Variants in CPED1 observed in about 807,000 individuals in gnomAD.
CPED1 encodes the protein cadherin like and PC-esterase domain containing 1.
CPED1 carries 114 observed loss-of-function variants against 128.2 expected under a neutral mutation model. That is an observed-to-expected ratio of 0.89 (90% CI 0.76 to 1.04). The LOEUF (loss-of-function observed/expected upper bound fraction) is 1.04, where lower values mean the gene tolerates loss of function less well. Ranked by LOEUF, CPED1 falls within the 50% of genes least tolerant of loss-of-function variation. CPED1 has a pLI of 0.00. For synonymous variants in CPED1, 462 were observed against 426.7 expected, an observed-to-expected ratio of 1.08 and a Z score of -1.02; for missense variants, 1,211 against 1,207.1, an observed-to-expected ratio of 1.00 and a Z score of -0.05.
intron 2 of CPED1, among the ~76,000 whole-genome samples, chr7:120,994,623 T>C (rs1370273444): frequency 1.4e-5 from 1 of 73,334 alleles, no homozygotes; most frequent in Non-Finnish European, 2.8e-5. Context: ...GTATTTGTTA[T>C]ACTGTGTGTG....
intron 17 of CPED1, among the ~76,000 whole-genome samples, chr7:121,241,015 A>T (rs2116678683): frequency 6.6e-6 from 1 of 152,264 alleles, no homozygotes; most frequent in South Asian, 2.1e-4. Context: ...ACAGAATTAG[A>T]ATTAGAAAGC....
At chr7:121,042,273 T>C (rs1793078646) in intron 3 of CPED1, among the ~76,000 whole-genome samples, 1 of 152,088 alleles carries the variant, frequency 6.6e-6, no homozygotes, top group Non-Finnish European at 1.5e-5. Flanking sequence ...TTACCAGTGG[T>C]ATTGCCAATA....
chr7:121,224,751 A>T (rs1477797303), intron 16 of CPED1, among the ~76,000 whole-genome samples: 3 of 146,832 alleles, frequency 2.0e-5, no homozygotes, highest in African/African-American at 2.5e-5. Flanking sequence ...GTTGGTTTAA[A>T]GTCTATTTTA....
chr7:120,999,193 C>T (rs1791759088), intron 2 of CPED1, among the ~76,000 whole-genome samples: 1 of 152,138 alleles, frequency 6.6e-6, no homozygotes, highest in Admixed American at 6.6e-5. Flanking sequence ...CAAAAGTCCT[C>T]CACTTCTCCT....
intron 16 of CPED1, among the ~76,000 whole-genome samples, chr7:121,232,655 G>A (rs1157519401): frequency 2.0e-5 from 3 of 152,140 alleles, no homozygotes; most frequent in African/African-American, 7.2e-5. Context: ...TGCCTTCCCA[G>A]AGGGATTTGG....
intron 18 of CPED1, among the ~76,000 whole-genome samples, chr7:121,247,598 C>T (rs930048108): frequency 6.6e-6 from 1 of 152,084 alleles, no homozygotes; most frequent in Non-Finnish European, 1.5e-5. Flanking sequence ...TGAATGGGTC[C>T]CGGGGAATAG....
At chr7:121,022,573 G>C (rs1047881209) in intron 3 of CPED1, among the ~76,000 whole-genome samples, 1 of 151,848 alleles carries the variant, frequency 6.6e-6, no homozygotes, top group Non-Finnish European at 1.5e-5. Flanking sequence ...GTATTCAGCA[G>C]AAACTCAAGC....
At chr7:121,281,543 C>T (rs762547240) in intron 22 of CPED1, among the ~76,000 whole-genome samples, 1 of 152,046 alleles carries the variant, frequency 6.6e-6, no homozygotes, top group Non-Finnish European at 1.5e-5. Context: ...ACTGGCAGAT[C>T]CCTTACCATA....
rs1794806193 is a variant in CPED1 at position 121,099,969 on chromosome 7, G to C, written c.793G>C (p.Ala265Pro). 1 of 1,613,086 alleles carries C rather than the reference G, an allele frequency of 6.2e-7. No individual in the cohort carries two copies. The highest frequency in any genetic ancestry group is 1.3e-5 in the African/African-American group (1 of 74,688). ...VLAPHETIFRAEDLSVILKAY... is the reference protein window; with the variant it reads ...VLAPHETIFRPEDLSVILKAY... ...TGCTCCACATGAAACAATCTTTCGA[G>C]CCGAAGATCTATCTGTGATTCTTAA... is the stretch of plus-strand genomic sequence containing the variant. Residue 265 changes from alanine (A) to proline (P), a missense_variant, in exon 7 of 23, where the codon GCC becomes CCC. Transcript: ENST00000310396.
At chr7:121,207,664 A>C (rs1166972763) in intron 16 of CPED1, among the ~76,000 whole-genome samples, 1 of 152,056 alleles carries the variant, frequency 6.6e-6, no homozygotes, top group Non-Finnish European at 1.5e-5. Context: ...CTTAAAACCT[A>C]TATTTATTCA....
At chr7:121,182,812 C>A (rs1796927569) in intron 16 of CPED1, among the ~76,000 whole-genome samples, 1 of 152,044 alleles carries the variant, frequency 6.6e-6, no homozygotes, top group African/African-American at 2.4e-5. Context: ...TTCACTGTGT[C>A]ATTGCGAACA....
At chr7:121,294,274 T>C (rs952734722) in intron 22 of CPED1, among the ~76,000 whole-genome samples, 1 of 152,138 alleles carries the variant, frequency 6.6e-6, no homozygotes, top group East Asian at 1.9e-4. Flanking sequence ...ATGAACCATA[T>C]ATTTGGGGAG....
chr7:121,105,903 A>G, intron 7 of CPED1, among the ~76,000 whole-genome samples: 1 of 152,102 alleles, frequency 6.6e-6, no homozygotes, highest in Admixed American at 6.6e-5. Flanking sequence ...CTGAACTTGG[A>G]TGATTATCCT....
intron 5 of CPED1, among the ~76,000 whole-genome samples, chr7:121,080,778 T>A (rs747149112): frequency 1.3e-4 from 19 of 151,980 alleles, no homozygotes; most frequent in Non-Finnish European, 2.2e-4. Flanking sequence ...GAGAGTTTGG[T>A]GTTGGGGGAT....
At chr7:121,159,768 G>A (rs1436074482) in intron 16 of CPED1, among the ~76,000 whole-genome samples, 1 of 152,044 alleles carries the variant, frequency 6.6e-6, no homozygotes, top group African/African-American at 2.4e-5. Flanking sequence ...ACACATACAT[G>A]CACACACATG....
intron 3 of CPED1, among the ~76,000 whole-genome samples, chr7:121,036,680 G>A (rs2116874870): frequency 6.6e-6 from 1 of 152,036 alleles, no homozygotes. Context: ...GAATCAAATA[G>A]TAGATCTATT....
intron 5 of CPED1, among the ~76,000 whole-genome samples, chr7:121,084,365 A>G (rs1313467400): frequency 6.6e-6 from 1 of 152,236 alleles, no homozygotes; most frequent in East Asian, 1.9e-4. Context: ...TTTATAATAT[A>G]ACAACATGTA....
intron 3 of CPED1, among the ~76,000 whole-genome samples, chr7:121,043,054 A>G (rs1221598172): frequency 2.6e-5 from 4 of 151,498 alleles, no homozygotes; most frequent in Admixed American, 2.0e-4. Context: ...ATCGAGAAAG[A>G]CATAAACAAT....
At chr7:121,001,134 G>T (rs1456419137) in intron 2 of CPED1, among the ~76,000 whole-genome samples, 1 of 152,022 alleles carries the variant, frequency 6.6e-6, no homozygotes, top group African/African-American at 2.4e-5. Flanking sequence ...TTTTGCTCAG[G>T]TAAATGTTTG....
Sources: gnomAD v4.1 joint callset for allele counts (sites outside exome capture counted in the v4.1 genomes callset) on GRCh38, gnomAD v4.1.1 for gene constraint, MANE v1.5 for transcripts, NCBI Gene and HGNC (gene_info 2026-07-23, HGNC 2026-07-21) for gene names.